CFAP263: variants seen among roughly 807,000 people sequenced by gnomAD.
CFAP263 encodes the protein cilia- and flagella-associated protein 263.
At chr16:58,264,960 C>G in the CFAP263 span, among the ~76,000 whole-genome samples, 2 of 152,306 alleles carry the variant, frequency 1.3e-5, no homozygotes, top group African/African-American at 4.8e-5. Flanking sequence ...CAGAAATGGG[C>G]TCTTCTCTTC....
chr16:58,262,665 T>C, the CFAP263 span: 1 of 866,050 alleles, frequency 1.2e-6, no homozygotes, highest in Non-Finnish European at 1.7e-6. Flanking sequence ...TGTCAAGCCA[T>C]GTGTCCTAAA....
the CFAP263 span, chr16:58,267,371 C>A: frequency 1.3e-6 from 1 of 782,318 alleles, no homozygotes; most frequent in Non-Finnish European, 2.1e-6. Context: ...GCAATTTGGA[C>A]TTTCTGGATG....
At chr16:58,274,209 C>T in the CFAP263 span, among the ~76,000 whole-genome samples, 1 of 152,226 alleles carries the variant, frequency 6.6e-6, no homozygotes, top group Non-Finnish European at 1.5e-5. Flanking sequence ...TCTCAGAGGG[C>T]TCTTCTTAGT....
the CFAP263 span, chr16:58,262,266 T>G: frequency 1.1e-6 from 1 of 911,986 alleles, no homozygotes; most frequent in South Asian, 1.6e-5. Context: ...AATATGTGTT[T>G]GCTGAATGAC....
At chr16:58,269,724 T>C in the CFAP263 span, among the ~76,000 whole-genome samples, 1 of 152,226 alleles carries the variant, frequency 6.6e-6, no homozygotes, top group Non-Finnish European at 1.5e-5. Flanking sequence ...TATCCATTCA[T>C]CAGTTGGTGG....
the CFAP263 span, chr16:58,280,209 G>A: frequency 1.3e-6 from 2 of 1,590,122 alleles, no homozygotes; most frequent in Non-Finnish European, 1.7e-6. Context: ...TCAGTTTGGT[G>A]GGGTAGCTCC....
chr16:58,280,456 G>A, the CFAP263 span: 2 of 1,614,098 alleles, frequency 1.2e-6, no homozygotes, highest in South Asian at 1.1e-5. Context: ...ATGCGTGATG[G>A]TCCTTCTTTG....
At chr16:58,260,491 G>A in the CFAP263 span, among the ~76,000 whole-genome samples, 22 of 152,274 alleles carry the variant, frequency 1.4e-4, no homozygotes, top group East Asian at 3.9e-3. Context: ...CAAATCAGAG[G>A]TTTTCTGTAG....
At chr16:58,269,742 G>A in the CFAP263 span, among the ~76,000 whole-genome samples, 1 of 152,196 alleles carries the variant, frequency 6.6e-6, no homozygotes, top group African/African-American at 2.4e-5. Context: ...TGGACATTTG[G>A]GTTTCCACTT....
chr16:58,254,296 A>G, the CFAP263 span: 39 of 876,660 alleles, frequency 4.4e-5, 1 homozygote, highest in South Asian at 6.7e-5. Flanking sequence ...TCCAGGGCCT[A>G]TCTTCAAGGA....
chr16:58,258,610 C>T, the CFAP263 span: 6 of 1,260,886 alleles, frequency 4.8e-6, no homozygotes, highest in Middle Eastern at 3.8e-4. Context: ...GCCTAGCTCC[C>T]TTTGGTCCAC....
the CFAP263 span, chr16:58,252,604 T>C: frequency 1.4e-6 from 1 of 736,676 alleles, no homozygotes; most frequent in South Asian, 1.8e-5. Flanking sequence ...ACCCATTTTA[T>C]AGGTGAGGAA....
At chr16:58,266,403 ATATTTTTTTTTTTTT>A in the CFAP263 span, among the ~76,000 whole-genome samples, 31 of 29,456 alleles carry the variant, frequency 1.1e-3, no homozygotes, top group African/African-American at 4.6e-3. Flanking sequence ...ATATATATAT[ATATTTTTTTTTTTTT>A]TTTTTTTTTT....
At chr16:58,277,757 A>G in the CFAP263 span, among the ~76,000 whole-genome samples, 2 of 152,370 alleles carry the variant, frequency 1.3e-5, no homozygotes, top group Admixed American at 1.3e-4. Context: ...AAGGAAGGAC[A>G]TTCTGACACA....
At chr16:58,278,585 C>T in the CFAP263 span, 29 of 1,613,992 alleles carry the variant, frequency 1.8e-5, 2 homozygotes, top group South Asian at 7.7e-5. Flanking sequence ...ATCTTAAATG[C>T]GGACCTGGAG....
the CFAP263 span, among the ~76,000 whole-genome samples, chr16:58,269,539 C>T: frequency 3.3e-5 from 5 of 152,176 alleles, no homozygotes; most frequent in African/African-American, 1.2e-4. Context: ...CTTTCTGCCT[C>T]TGTGGATTTG....
chr16:58,280,211 G>A, the CFAP263 span: 3 of 1,592,340 alleles, frequency 1.9e-6, no homozygotes, highest in Admixed American at 1.7e-5. Flanking sequence ...AGTTTGGTGG[G>A]GTAGCTCCTG....
the CFAP263 span, chr16:58,250,304 T>TAG: frequency 1.3e-5 from 7 of 522,268 alleles, no homozygotes; most frequent in Non-Finnish European, 2.4e-5. Context: ...AACGGGGTGG[T>TAG]AGGGCGAGGG....
chr16:58,262,779 A>ATAGATAGATAGATAGATAGATAGATAGG, the CFAP263 span, among the ~76,000 whole-genome samples: 4 of 150,358 alleles, frequency 2.7e-5, no homozygotes, highest in Non-Finnish European at 4.4e-5. Flanking sequence ...AGATAGATAG[A>ATAGATAGATAGATAGATAGATAGATAGG]TAGATAGATA....
Sources: gnomAD v4.1 joint callset for allele counts (sites outside exome capture counted in the v4.1 genomes callset) on GRCh38, gnomAD v4.1.1 for gene constraint, MANE v1.5 for transcripts, NCBI Gene and HGNC (gene_info 2026-07-23, HGNC 2026-07-21) for gene names.